C8B: variants seen among roughly 807,000 people sequenced by gnomAD.
C8B encodes complement component C8 beta chain.
In C8B, 67 loss-of-function variants were observed where a neutral mutation model predicts 64.6. That is an observed-to-expected ratio of 1.04 (90% CI 0.85 to 1.27). The LOEUF (loss-of-function observed/expected upper bound fraction) is 1.27. Ranked by LOEUF, C8B falls within the 50% of genes most tolerant of loss-of-function variation. The probability of loss-of-function intolerance (pLI) is 0.00; values close to 1 mark genes in which losing one functional copy is unlikely to be tolerated. For synonymous variants in C8B, 284 were observed against 257.7 expected (o/e 1.10, Z -0.98); for missense variants, 790 against 725.2 (o/e 1.09, Z -1.03).
chr1:56,943,798 A>G lies in C8B; in HGVS notation c.1132T>C (p.Cys378Arg). The G allele has an allele frequency of 6.2e-7, 1 of 1,614,164 alleles. No individual in the cohort carries two copies. Among genetic ancestry groups the G allele is most frequent in the Non-Finnish European group, 8.5e-7 (1 of 1,179,996 alleles). Residue 378 changes from cysteine (C) to arginine (R), a missense_variant, in exon 8 of 12, where the codon TGT (cysteine) becomes CGT (arginine). Physicochemically the swap from Cys to Arg is radical, Grantham distance 180. Coordinates refer to ENST00000371237, the MANE Select transcript of C8B (RefSeq NM_000066.4). ...CCAATTTTAAAATCATTTTTGGCAC[A>G]GGCATGGACGTTGTTAAGAGTATAA... ...GDYTLNNVHA[C>R]AKNDFKIGGA...
At chr1:56,952,590 G>A (rs1007126218) in intron 4 of C8B, among the ~76,000 whole-genome samples, 3 of 152,228 alleles carry the variant, frequency 2.0e-5, no homozygotes, top group Non-Finnish European at 4.4e-5. Flanking sequence ...AACACCCTGT[G>A]CTCGCACCGT....
chr1:56,961,169 A>T (rs1427015310), intron 1 of C8B, among the ~76,000 whole-genome samples: 2 of 152,198 alleles, frequency 1.3e-5, no homozygotes, highest in African/African-American at 4.8e-5. Context: ...CTTCCTCTGT[A>T]ATATGAAGTG....
intron 3 of C8B, among the ~76,000 whole-genome samples, chr1:56,955,646 A>G (rs559141499): frequency 4.5e-4 from 69 of 152,354 alleles, no homozygotes; most frequent in African/African-American, 1.5e-3. Flanking sequence ...GCCTGTCCAA[A>G]TAACCATCAT....
intron 4 of C8B, among the ~76,000 whole-genome samples, chr1:56,953,388 C>A (rs911313980): frequency 6.6e-6 from 1 of 152,186 alleles, no homozygotes; most frequent in Non-Finnish European, 1.5e-5. Flanking sequence ...GTGGAGGCAT[C>A]ATCCTAATCA....
chr1:56,963,305 G>A (rs758003486), intron 1 of C8B, among the ~76,000 whole-genome samples: 12 of 152,156 alleles, frequency 7.9e-5, no homozygotes, highest in Non-Finnish European at 1.5e-4. Flanking sequence ...GATGGGGTGC[G>A]TCAATATATT....
chr1:56,941,728 T>C (rs1644867506), intron 8 of C8B, among the ~76,000 whole-genome samples: 1 of 152,224 alleles, frequency 6.6e-6, no homozygotes, highest in Non-Finnish European at 1.5e-5. Context: ...CCCACACAGC[T>C]AGTAGCTGAT....
intron 9 of C8B, 24 bp from the exon 10 acceptor site, chr1:56,933,512 T>C (rs781472968): frequency 6.2e-7 from 1 of 1,607,088 alleles, no homozygotes; most frequent in South Asian, 1.1e-5. Flanking sequence ...AGGGCATTTA[T>C]TTCAAGAGAA....
intron 3 of C8B, among the ~76,000 whole-genome samples, chr1:56,955,287 A>G (rs1645086397): frequency 6.6e-6 from 1 of 152,182 alleles, no homozygotes; most frequent in Non-Finnish European, 1.5e-5. Flanking sequence ...TATCAGTACT[A>G]TTCGTGTTTT....
At chr1:56,961,915 TG>T (rs1253694252) in intron 1 of C8B, among the ~76,000 whole-genome samples, 1 of 152,060 alleles carries the variant, frequency 6.6e-6, no homozygotes, top group Admixed American at 6.5e-5. Flanking sequence ...TACACACCAG[TG>T]GGGGGCTTCA....
rs538006445 is a variant in C8B, at chr1:56,955,091, G to T, written c.392-264C>A. 1.6e-3 allele frequency among the ~76,000 whole-genome samples: 251 copies of T among 152,336 alleles called. 2 individuals are homozygous for T. The highest frequency in any genetic ancestry group is 2.6e-3 in the Non-Finnish European group (179 of 68,028). Reference sequence around the variant, plus strand: ...CTCTCTCTCCCTGGGGCTGGAAAGAGGGGGTGGGATGGGTGTGTCCTGTAA... The same window carrying T: ...CTCTCTCTCCCTGGGGCTGGAAAGATGGGGTGGGATGGGTGTGTCCTGTAA... On this transcript the variant is annotated intron_variant, in intron 3 of 11. Transcript: ENST00000371237.
In C8B at chr1:56,944,834, A is replaced by G. The variant is rs143093982; in HGVS notation, c.1105+987T>C. On this transcript the variant is annotated intron_variant, in intron 7 of 11. Transcript: ENST00000371237. ...TCCTCTTGCAAGTACATGGACTGGT[A>G]ATCAAGCCCTGGCTCCACCACTGCA... Among the ~76,000 whole-genome samples the G allele has an allele frequency of 2.6e-5, 4 of 152,362 alleles. No homozygotes were observed. In the East Asian group the frequency reaches 7.7e-4, roughly 29 times the overall value.
At chr1:56,941,597 A>G (rs1253873780) in intron 8 of C8B, among the ~76,000 whole-genome samples, 1 of 152,186 alleles carries the variant, frequency 6.6e-6, no homozygotes, top group Non-Finnish European at 1.5e-5. Context: ...AGATAGAGAG[A>G]GAGATAGACA....
intron 1 of C8B, among the ~76,000 whole-genome samples, chr1:56,962,321 TA>T (rs1449623487): frequency 6.6e-6 from 1 of 152,234 alleles, no homozygotes; most frequent in East Asian, 1.9e-4. Context: ...GTTTGTAAAT[TA>T]CATCGGATGA....
intron 9 of C8B, among the ~76,000 whole-genome samples, chr1:56,938,340 T>A (rs1644802914): frequency 6.6e-6 from 1 of 152,244 alleles, no homozygotes; most frequent in African/African-American, 2.4e-5. Flanking sequence ...AATGTGGGCT[T>A]TAATTCTGTT....
At position 56,954,930 on chromosome 1, in the gene C8B, C is replaced by T. The variant is rs539298245; in HGVS notation, c.392-103G>A. The T allele has an allele frequency of 5.0e-5, 67 of 1,337,130 alleles. 1 individual carries two copies. In the South Asian group the frequency reaches 7.3e-4, roughly 15 times the overall value. 82.8% of individuals were successfully genotyped at this position (1,337,130 alleles called of 1,614,324 possible). A position where few individuals can be genotyped will look rare whatever the true frequency, so the allele number is the denominator to read the frequency against. On this transcript the variant is annotated intron_variant, in intron 3 of 11. Coordinates refer to ENST00000371237, the MANE Select transcript of C8B (RefSeq NM_000066.4). ...GTGCCAGACCTTTTGTCAGGCCTTG[C>T]ATGCTGCCCTGTTTTAATTAGTCAT...
intron 9 of C8B, among the ~76,000 whole-genome samples, chr1:56,940,507 C>T (rs1310027633): frequency 6.6e-6 from 1 of 151,942 alleles, no homozygotes; most frequent in Non-Finnish European, 1.5e-5. Flanking sequence ...GAGTTGGAGG[C>T]TGCAATCAGC....
rs114828378 is a variant in C8B at position 56,959,471 on chromosome 1, G to A, written c.249+549C>T. ...CTCAAAAGAGGCAGCTCCTGAGTAG[G>A]AGTTTCAAATTGTGAGTAGGTGTTC... On this transcript the variant is annotated intron_variant, in intron 2 of 11. Transcript: ENST00000371237. 852 of 1,029,642 alleles carry A rather than the reference G, an allele frequency of 8.3e-4. 6 individuals are homozygous for A. In the African/African-American group the frequency reaches 0.012, roughly 14 times the overall value. 63.8% of individuals were successfully genotyped at this position (1,029,642 alleles called of 1,614,324 possible). A position where few individuals can be genotyped will look rare whatever the true frequency, so the allele number is the denominator to read the frequency against.
chr1:56,962,122 C>T (rs1645188166), intron 1 of C8B, among the ~76,000 whole-genome samples: 1 of 152,302 alleles, frequency 6.6e-6, no homozygotes, highest in Admixed American at 6.5e-5. Context: ...AAGTAATGTA[C>T]ACACTAGCTA....
At chr1:56,932,493 G>A (rs186673032) in intron 10 of C8B, among the ~76,000 whole-genome samples, 24 of 152,146 alleles carry the variant, frequency 1.6e-4, no homozygotes, top group Admixed American at 1.0e-3. Flanking sequence ...TCCAAATTTC[G>A]TACAAGGCAA....
Sources: allele counts gnomAD v4.1 joint callset (sites outside exome capture counted in the v4.1 genomes callset), GRCh38; gene constraint gnomAD v4.1.1; transcripts MANE v1.5; gene names NCBI Gene and HGNC (gene_info 2026-07-23, HGNC 2026-07-21).